MACROD2: variants seen among roughly 807,000 people sequenced by gnomAD.
MACROD2 encodes ADP-ribose glycohydrolase MACROD2.
A neutral mutation model predicts 70.4 loss-of-function variants in MACROD2; 36 were observed. The ratio of observed to expected loss-of-function variants is 0.51; its 90% confidence interval spans 0.39 to 0.68. The LOEUF is 0.68. MACROD2 is among the 30% of genes least tolerant of loss of function. The pLI is 0.00. For synonymous variants in MACROD2, 172 were observed against 178.8 expected, an observed-to-expected ratio of 0.96 and a Z score of 0.30; for missense variants, 496 against 538.4, an observed-to-expected ratio of 0.92 and a Z score of 0.78.
chr20:15,666,175 G>T (rs1366068619), intron 8 of MACROD2, among the ~76,000 whole-genome samples: 1 of 152,164 alleles, frequency 6.6e-6, no homozygotes, highest in Non-Finnish European at 1.5e-5. Flanking sequence ...GGAAGTTTCA[G>T]AACACAGAGT....
At chr20:14,790,222 C>A (rs1443771118) in intron 5 of MACROD2, among the ~76,000 whole-genome samples, 1 of 151,724 alleles carries the variant, frequency 6.6e-6, no homozygotes, top group African/African-American at 2.4e-5. Context: ...TATGCCATAG[C>A]CTTCTGTGAG....
intron 8 of MACROD2, among the ~76,000 whole-genome samples, chr20:15,521,756 A>G (rs551145419): frequency 2.0e-5 from 3 of 152,390 alleles, no homozygotes; most frequent in East Asian, 1.9e-4. Flanking sequence ...TAATTGCAGT[A>G]TTTTAAAGAA....
At chr20:15,566,396 G>A (rs545456575) in intron 8 of MACROD2, among the ~76,000 whole-genome samples, 1 of 152,114 alleles carries the variant, frequency 6.6e-6, no homozygotes, top group East Asian at 1.9e-4. Context: ...TACTCGGGAG[G>A]CTGAGGCATG....
chr20:14,542,277 T>A (rs1404748795), intron 4 of MACROD2, among the ~76,000 whole-genome samples: 3 of 152,248 alleles, frequency 2.0e-5, no homozygotes, highest in Non-Finnish European at 2.9e-5. Context: ...AGCTAATCCA[T>A]AGGCATCACT....
chr20:16,023,303 G>A (rs925987971), intron 15 of MACROD2, among the ~76,000 whole-genome samples: 42 of 151,566 alleles, frequency 2.8e-4, no homozygotes, highest in Admixed American at 1.2e-3. Context: ...GTGAAACCCC[G>A]TCTCTACTAA....
chr20:14,560,805 T>C (rs1220948246), intron 4 of MACROD2, among the ~76,000 whole-genome samples: 1 of 151,874 alleles, frequency 6.6e-6, no homozygotes, highest in African/African-American at 2.4e-5. Context: ...GAGTCATTTA[T>C]TTCCAAGGTT....
At chr20:14,278,378 G>A (rs1420310723) in intron 3 of MACROD2, among the ~76,000 whole-genome samples, 1 of 152,174 alleles carries the variant, frequency 6.6e-6, no homozygotes, top group African/African-American at 2.4e-5. Context: ...AGTGGTGAGA[G>A]GCAGGTTATC....
intron 7 of MACROD2, among the ~76,000 whole-genome samples, chr20:15,496,955 G>A (rs1044841691): frequency 6.6e-6 from 1 of 152,168 alleles, no homozygotes; most frequent in African/African-American, 2.4e-5. Context: ...CTGGGTGAGG[G>A]CCGATCAGAC....
At chr20:15,363,506 T>C (rs766715825) in intron 6 of MACROD2, among the ~76,000 whole-genome samples, 1 of 152,186 alleles carries the variant, frequency 6.6e-6, no homozygotes, top group Non-Finnish European at 1.5e-5. Context: ...CTGGGAGGGC[T>C]TTCTCACTCC....
At chr20:15,094,267 C>G (rs946178294) in intron 5 of MACROD2, among the ~76,000 whole-genome samples, 1 of 152,034 alleles carries the variant, frequency 6.6e-6, no homozygotes, top group Admixed American at 6.6e-5. Context: ...CTTATTTGCT[C>G]ACTTTGCATA....
intron 5 of MACROD2, among the ~76,000 whole-genome samples, chr20:15,020,886 G>C (rs1037984547): frequency 6.6e-6 from 1 of 151,204 alleles, no homozygotes; most frequent in Admixed American, 6.6e-5. Context: ...GACTCTATCT[G>C]ACACTCTGGA....
intron 15 of MACROD2, among the ~76,000 whole-genome samples, chr20:16,015,399 A>G (rs2066916235): frequency 6.6e-6 from 1 of 152,114 alleles, no homozygotes; most frequent in African/African-American, 2.4e-5. Context: ...TCGTTATTAA[A>G]CTATCTCACC....
intron 8 of MACROD2, among the ~76,000 whole-genome samples, chr20:15,846,301 TCTCATAGGTTCC>T (rs1163035796): frequency 1.1e-4 from 16 of 152,310 alleles, no homozygotes; most frequent in African/African-American, 3.6e-4. Flanking sequence ...TGTGAAATAA[TCTCATAGGTTCC>T]CTCACTGGTT....
At chr20:15,634,952 T>C (rs200771) in intron 8 of MACROD2, among the ~76,000 whole-genome samples, 152,247 of 152,368 alleles carry the variant, frequency 1, 76,064 homozygotes, top group Middle Eastern at 1. Context: ...TTTTCAGGTG[T>C]CTGTGGCTGT....
At chr20:14,535,501 G>A (rs1469227832) in intron 4 of MACROD2, among the ~76,000 whole-genome samples, 28 of 62,020 alleles carry the variant, frequency 4.5e-4, no homozygotes, top group Middle Eastern at 0.018. Flanking sequence ...GTGAAACTCC[G>A]TCTCAAAAAA....
chr20:14,237,338 A>G (rs2081885324), intron 3 of MACROD2, among the ~76,000 whole-genome samples: 1 of 151,930 alleles, frequency 6.6e-6, no homozygotes, highest in South Asian at 2.1e-4. Flanking sequence ...CATACTTTGT[A>G]TATATTATCA....
rs776433586 is a variant in MACROD2, at chr20:14,628,009, CAG to C, written c.302-56830_302-56829del. ...ATTTAGCTTGTTGAGCAGAGCAACA[CAG>C]AGAAAAATTTGTAAGGTTTCCCAAA... On this transcript the variant is annotated intron_variant, in intron 4 of 17. Coordinates refer to ENST00000684519, the MANE Select transcript of MACROD2 (RefSeq NM_001351661.2). Among the ~76,000 whole-genome samples, 386 of 152,250 alleles carry C rather than the reference CAG, an allele frequency of 2.5e-3. 3 individuals carry two copies. The highest frequency in any genetic ancestry group is 4.1e-3 in the Non-Finnish European group (280 of 68,020).
chr20:15,209,371 A>C (rs2076741161), intron 5 of MACROD2, among the ~76,000 whole-genome samples: 1 of 152,132 alleles, frequency 6.6e-6, no homozygotes, highest in Non-Finnish European at 1.5e-5. Flanking sequence ...CCATCTGTTC[A>C]ATCCTAGTCC....
intron 3 of MACROD2, among the ~76,000 whole-genome samples, chr20:14,234,649 A>G (rs1031809179): frequency 3.9e-5 from 6 of 152,032 alleles, no homozygotes; most frequent in Admixed American, 6.6e-5. Flanking sequence ...AATGGTTTCT[A>G]TTGTTCTAGT....
Sources: allele counts gnomAD v4.1 joint callset (sites outside exome capture counted in the v4.1 genomes callset), GRCh38; gene constraint gnomAD v4.1.1; transcripts MANE v1.5; gene names NCBI Gene and HGNC (gene_info 2026-07-23, HGNC 2026-07-21).